GRM5: variants seen among roughly 807,000 people sequenced by gnomAD.
GRM5 encodes the protein metabotropic glutamate receptor 5.
Under a neutral mutation model 83.1 loss-of-function variants are expected in GRM5, and 19 were observed. The observed-to-expected ratio is 0.23, with a 90% CI of 0.16 to 0.34. The LOEUF is 0.34. Ranked by LOEUF, GRM5 falls within the 10% of genes least tolerant of loss-of-function variation. The pLI is 1.00. For synonymous variants in GRM5, 675 were observed against 633.6 expected (o/e 1.07, Z -0.98); for missense variants, 1,160 against 1,588.3 (o/e 0.73, Z 4.58).
intron 2 of GRM5, among the ~76,000 whole-genome samples, chr11:88,890,544 T>A (rs1184937369): frequency 6.6e-6 from 1 of 152,194 alleles, no homozygotes; most frequent in African/African-American, 2.4e-5. Context: ...ATGTTTTAGT[T>A]CATGTGACTT....
chr11:88,798,820 A>AAAAAAAAAAAAAAAC (rs1555017418), intron 3 of GRM5, among the ~76,000 whole-genome samples: 10 of 136,284 alleles, frequency 7.3e-5, no homozygotes, highest in African/African-American at 1.4e-4. Context: ...AAAAAAAAAA[A>AAAAAAAAAAAAAAAC]AAAAAAACAA....
At chr11:88,837,908 C>T (rs1223951509) in intron 3 of GRM5, among the ~76,000 whole-genome samples, 1 of 151,574 alleles carries the variant, frequency 6.6e-6, no homozygotes, top group Admixed American at 6.6e-5. Context: ...CACGGTGAAA[C>T]CCCGTTTCTA....
intron 2 of GRM5, among the ~76,000 whole-genome samples, chr11:88,985,885 A>T (rs1359574956): frequency 6.6e-6 from 1 of 152,178 alleles, no homozygotes; most frequent in Non-Finnish European, 1.5e-5. Flanking sequence ...AAATTACAAT[A>T]TCAATCATTT....
chr11:88,723,889 T>G (rs1334186541), intron 3 of GRM5, among the ~76,000 whole-genome samples: 1 of 152,172 alleles, frequency 6.6e-6, no homozygotes, highest in East Asian at 1.9e-4. Context: ...TGTTTCATTT[T>G]AGATTCAGGG....
intron 3 of GRM5, among the ~76,000 whole-genome samples, chr11:88,817,324 C>T (rs1452790104): frequency 6.6e-6 from 1 of 152,010 alleles, no homozygotes; most frequent in Non-Finnish European, 1.5e-5. Flanking sequence ...ATATTAGATA[C>T]CACAGAATTT....
At position 88,711,745 on chromosome 11, in the gene GRM5, T is replaced by C. The variant is rs1385060614; in HGVS notation, c.912-58342A>G. ...TGACAAATAGTAGGCACTACAAAAA[T>C]GCTTCCTCTCCTGACTCAGATTATT... On this transcript the variant is annotated intron_variant, in intron 3 of 9. Transcript: ENST00000305447. 2.6e-5 allele frequency among the ~76,000 whole-genome samples: 4 copies of C among 151,980 alleles called. No individual in the cohort carries two copies. In the East Asian group the frequency reaches 7.7e-4, roughly 29 times the overall value.
intron 2 of GRM5, among the ~76,000 whole-genome samples, chr11:88,999,763 A>G (rs1365869878): frequency 6.6e-6 from 1 of 152,224 alleles, no homozygotes; most frequent in Non-Finnish European, 1.5e-5. Context: ...ATCATAAATC[A>G]TGCTGCTATA....
chr11:88,928,300 A>G (rs1453479355), intron 2 of GRM5, among the ~76,000 whole-genome samples: 1 of 151,956 alleles, frequency 6.6e-6, no homozygotes, highest in East Asian at 1.9e-4. Context: ...GGCCCCAGTT[A>G]CTTCATCTGT....
chr11:88,975,617 G>A (rs552499322), intron 2 of GRM5, among the ~76,000 whole-genome samples: 61 of 152,318 alleles, frequency 4.0e-4, no homozygotes, highest in Admixed American at 9.8e-4. Context: ...GAGCTTGATG[G>A]AAATGTAAAA....
intron 2 of GRM5, among the ~76,000 whole-genome samples, chr11:88,876,662 C>T (rs1357770639): frequency 6.6e-6 from 1 of 151,956 alleles, no homozygotes; most frequent in Non-Finnish European, 1.5e-5. Context: ...ATTTAGAGGC[C>T]ATTGTAGATG....
chr11:88,990,796 T>C (rs1939936775), intron 2 of GRM5, among the ~76,000 whole-genome samples: 1 of 151,582 alleles, frequency 6.6e-6, no homozygotes, highest in Non-Finnish European at 1.5e-5. Flanking sequence ...GAAAAGGCCT[T>C]TGACAAAATT....
At chr11:88,676,971 T>A (rs1408042161) in intron 3 of GRM5, among the ~76,000 whole-genome samples, 1 of 152,062 alleles carries the variant, frequency 6.6e-6, no homozygotes, top group Admixed American at 6.6e-5. Context: ...TAATCTCTTC[T>A]GATTACCTAA....
chr11:88,507,840 T>A lies in GRM5; in HGVS notation c.*752A>T, dbSNP rs1045894195. 1 of 152,650 alleles carries A rather than the reference T, an allele frequency of 6.6e-6. No homozygotes were observed. Among genetic ancestry groups the A allele is most frequent in the African/African-American group, 2.4e-5 (1 of 41,466 alleles). The allele number at this position is 152,650 out of a possible 1,614,324, so 9.5% of individuals were successfully genotyped here. A position where few individuals can be genotyped will look rare whatever the true frequency, so the allele number is the denominator to read the frequency against. Reference sequence around the variant, plus strand: ...GCAACATGGTGAAATAGTCAAGAAATCTTCCACTGGTTTTCTTGGTTAATG... The same window carrying A: ...GCAACATGGTGAAATAGTCAAGAAAACTTCCACTGGTTTTCTTGGTTAATG... On this transcript the variant is annotated 3_prime_UTR_variant, in exon 10 of 10. Transcript: ENST00000305447.
At chr11:88,970,671 C>T (rs1010278148) in intron 2 of GRM5, among the ~76,000 whole-genome samples, 15 of 152,294 alleles carry the variant, frequency 9.8e-5, no homozygotes, top group East Asian at 3.9e-4. Flanking sequence ...TTTGGGCCAA[C>T]GCATTGGTAT....
chr11:88,954,826 T>C (rs1938560012), intron 2 of GRM5, among the ~76,000 whole-genome samples: 1 of 152,122 alleles, frequency 6.6e-6, no homozygotes, highest in Non-Finnish European at 1.5e-5. Context: ...GTTCTAACCT[T>C]AAAGCCTGGT....
intron 2 of GRM5, among the ~76,000 whole-genome samples, chr11:88,856,781 G>T (rs1024020114): frequency 1.3e-5 from 2 of 151,978 alleles, no homozygotes; most frequent in African/African-American, 4.8e-5. Context: ...GACATCACTA[G>T]ATGAGAGGAA....
At chr11:88,917,094 G>A (rs541677612) in intron 2 of GRM5, among the ~76,000 whole-genome samples, 1 of 152,328 alleles carries the variant, frequency 6.6e-6, no homozygotes, top group Non-Finnish European at 1.5e-5. Context: ...GTAGTCACAG[G>A]AGGGCTTGTG....
intron 2 of GRM5, among the ~76,000 whole-genome samples, chr11:88,987,708 C>T (rs529277455): frequency 1.3e-5 from 2 of 152,012 alleles, no homozygotes; most frequent in East Asian, 1.9e-4. Flanking sequence ...GACCCCTGAC[C>T]CCCGAGCAGC....
At chr11:89,011,826 TAATC>T (rs1940708683) in intron 2 of GRM5, among the ~76,000 whole-genome samples, 1 of 152,208 alleles carries the variant, frequency 6.6e-6, no homozygotes, top group African/African-American at 2.4e-5. Flanking sequence ...CAATTACTCT[TAATC>T]TATCTACATT....
Sources: allele counts gnomAD v4.1 joint callset (sites outside exome capture counted in the v4.1 genomes callset), GRCh38; gene constraint gnomAD v4.1.1; transcripts MANE v1.5; gene names NCBI Gene and HGNC (gene_info 2026-07-23, HGNC 2026-07-21).